Variants in MIP observed in about 807,000 individuals in gnomAD.
The protein encoded by MIP is major intrinsic protein of lens fiber, also known as lens fiber major intrinsic protein.
MIP carries 14 observed loss-of-function variants against 21.8 expected under a neutral mutation model. The ratio of observed to expected loss-of-function variants is 0.64; its 90% CI spans 0.42 to 1.00. MIP has a LOEUF of 1.00. Ranked by LOEUF, MIP falls within the 50% of genes least tolerant of loss-of-function variation. The pLI is 0.00. For missense variants in MIP, 260 were observed against 333.5 expected (o/e 0.78, Z 1.72); for synonymous variants, 133 against 141.4 (o/e 0.94, Z 0.42).
Position 56,452,874 on chromosome 12 carries a change from T to C in MIP, c.606+198A>G. 12 of 622,142 alleles carry C rather than the reference T, an allele frequency of 1.9e-5. No homozygotes were observed. In the South Asian group the frequency reaches 2.2e-4, roughly 11 times the overall value. 38.5% of individuals were successfully genotyped at this position (622,142 alleles called of 1,614,324 possible). ...CCCTGACTAACCAGAGAAGGAAAAA[T>C]ATGAGCAAGAGCCTCTCCTTCTAGC... On this transcript the variant is annotated intron_variant, in intron 3 of 3. Coordinates refer to ENST00000652304, the MANE Select transcript of MIP (RefSeq NM_012064.4).
chr12:56,453,478 A>G (rs941172261), intron 2 of MIP, 113 bp downstream of exon 2: 7 of 1,200,746 alleles, frequency 5.8e-6, no homozygotes, highest in Admixed American at 1.9e-5. Flanking sequence ...AGAGAGTGCA[A>G]TGGACAATGT....
Position 56,449,552 on chromosome 12 carries a change from A to G in MIP, c.*1728T>C, listed in dbSNP as rs944285404. 1 of 152,276 alleles carries G rather than the reference A, an allele frequency of 6.6e-6. No individual in the cohort carries two copies. The highest frequency in any genetic ancestry group is 2.4e-5 in the African/African-American group (1 of 41,470). The allele number at this position is 152,276 out of a possible 1,614,324, so 9.4% of individuals were successfully genotyped here. On this transcript the variant is annotated 3_prime_UTR_variant, in exon 4 of 4. Transcript: ENST00000652304. ...AGGTCGATCTAAAAATCACAGCGCTATGAATTTTCTGCTGAATTATAGTAG... is the reference window on the plus strand; with the variant it reads ...AGGTCGATCTAAAAATCACAGCGCTGTGAATTTTCTGCTGAATTATAGTAG...
At chr12:56,453,835 C>T in intron 1 of MIP, 80 bp from the exon 2 acceptor site, 2 of 1,416,476 alleles carry the variant, frequency 1.4e-6, no homozygotes, top group East Asian at 2.4e-5. Flanking sequence ...CGGCAAGGAT[C>T]TCGTTACGGC....
intron 1 of MIP, among the ~76,000 whole-genome samples, 170 bp from the exon 2 acceptor site, chr12:56,453,925 T>A (rs1868709909): frequency 6.6e-6 from 1 of 152,202 alleles, no homozygotes; most frequent in Admixed American, 6.5e-5. Flanking sequence ...CTAACAGTGC[T>A]CCTTCATGAT....
At chr12:56,456,055 G>C (rs1868782155), upstream of MIP, among the ~76,000 whole-genome samples, 1 of 152,176 alleles carries the variant, frequency 6.6e-6, no homozygotes, top group African/African-American at 2.4e-5. Context: ...AGGGTTTGGA[G>C]CTCTCAATTA....
At chr12:56,454,233 C>G (rs369461953) in intron 1 of MIP, 21 bp downstream of exon 1, 29 of 1,613,864 alleles carry the variant, frequency 1.8e-5, no homozygotes, top group African/African-American at 5.3e-5. Context: ...GGTTCCCCAT[C>G]CCCTCTCAGC....
chr12:56,455,617 G>C (rs190725141), upstream of MIP, among the ~76,000 whole-genome samples: 1 of 152,116 alleles, frequency 6.6e-6, no homozygotes. Flanking sequence ...GGAAACAGCC[G>C]ATCAAAGAGA....
At chr12:56,453,482 A>G in intron 2 of MIP, 109 bp downstream of exon 2, 1 of 1,249,992 alleles carries the variant, frequency 8.0e-7, no homozygotes, top group Non-Finnish European at 1.2e-6. Context: ...AGTGCAATGG[A>G]CAATGTTCAT....
At chr12:56,453,194 A>T (rs1565694248) in intron 2 of MIP, 42 bp from the exon 3 acceptor site, 1 of 1,406,844 alleles carries the variant, frequency 7.1e-7, no homozygotes, top group Admixed American at 1.7e-5. Context: ...CCCCTACTGC[A>T]CCCCAGCTTC....
Position 56,451,142 on chromosome 12 carries a change from A to C in MIP, c.*138T>G. Reference sequence around the variant, plus strand: ...TCACACAGCAAAAGGAAAAAAAAAAAAAAAACAACCACATACATAAGTTAA... The same window carrying C: ...TCACACAGCAAAAGGAAAAAAAAAACAAAAACAACCACATACATAAGTTAA... On this transcript the variant is annotated 3_prime_UTR_variant, in exon 4 of 4. Coordinates refer to ENST00000652304, the MANE Select transcript of MIP (RefSeq NM_012064.4). The C allele has an allele frequency of 1.4e-6, 1 of 720,130 alleles. No individual in the cohort carries two copies. The highest frequency in any genetic ancestry group is 2.9e-5 in the Admixed American group (1 of 34,110). The allele number at this position is 720,130 out of a possible 1,614,324, so 44.6% of individuals were successfully genotyped here.
chr12:56,455,741 A>G (rs1315779174), upstream of MIP, among the ~76,000 whole-genome samples: 1 of 152,138 alleles, frequency 6.6e-6, no homozygotes, highest in Non-Finnish European at 1.5e-5. Context: ...GAGAAGGTAG[A>G]ATGGGACATA....
intron 1 of MIP, among the ~76,000 whole-genome samples, chr12:56,453,977 C>A (rs1187312069): frequency 6.6e-6 from 1 of 152,148 alleles, no homozygotes; most frequent in African/African-American, 2.4e-5. Context: ...GAAACTGAGG[C>A]CTTGAAAGGT....
intron 2 of MIP, 88 bp downstream of exon 2, chr12:56,453,503 G>A: frequency 1.4e-6 from 2 of 1,425,972 alleles, no homozygotes; most frequent in Non-Finnish European, 2.0e-6. Flanking sequence ...GTTTGACAGT[G>A]AAGTAGGCAG....
At chr12:56,453,014 CT>C (rs1161052150) in intron 3 of MIP, 57 bp downstream of exon 3, 1 of 1,171,718 alleles carries the variant, frequency 8.5e-7, no homozygotes, top group Non-Finnish European at 1.3e-6. Flanking sequence ...AGCCTGGAAC[CT>C]GCAGTCCACA....
At chr12:56,453,878 C>A in intron 1 of MIP, 123 bp from the exon 2 acceptor site, 1 of 955,768 alleles carries the variant, frequency 1.0e-6, no homozygotes, top group Non-Finnish European at 1.6e-6. Flanking sequence ...ATAATACAAC[C>A]CCCTTCATAA....
chr12:56,451,571 A>G, intron 3 of MIP, 106 bp from the exon 4 acceptor site: 1 of 893,768 alleles, frequency 1.1e-6, no homozygotes, highest in Non-Finnish European at 1.8e-6. Context: ...TACACTTGAT[A>G]TCTACAATAA....
rs1592264422 is a variant in MIP, at chr12:56,453,586, C to T, written c.525+5G>A. Reference sequence around the variant, plus strand: ...GAATGAGAAGTTGCTCTCCTTCCTGCTTACCCCAAAGAGGTGCCCCAGGGC... The same window carrying T: ...GAATGAGAAGTTGCTCTCCTTCCTGTTTACCCCAAAGAGGTGCCCCAGGGC... On this transcript the variant is annotated splice_donor_5th_base_variant and intron_variant, in intron 2 of 3. Coordinates refer to ENST00000652304, the MANE Select transcript of MIP (RefSeq NM_012064.4). 6.2e-7 allele frequency: 1 copy of T among 1,614,260 alleles called. No individual in the cohort carries two copies. Among genetic ancestry groups the T allele is most frequent in the South Asian group, 1.1e-5 (1 of 91,090 alleles).
chr12:56,449,938 G>A lies in MIP; in HGVS notation c.*1342C>T, dbSNP rs1407461484. The A allele has an allele frequency of 6.6e-6, 1 of 152,144 alleles. No homozygotes were observed. Among genetic ancestry groups the A allele is most frequent in the African/African-American group, 2.4e-5 (1 of 41,414 alleles). The allele number at this position is 152,144 out of a possible 1,614,324, so 9.4% of individuals were successfully genotyped here. ...CCCAGCTACTGGGGAGGCTGAAGCA[G>A]GAAGATCGCTTGAGCCCAGGATTTC... On this transcript the variant is annotated 3_prime_UTR_variant, in exon 4 of 4. Transcript: ENST00000652304.
chr12:56,452,307 C>T (rs758311939), intron 3 of MIP, among the ~76,000 whole-genome samples: 12 of 152,124 alleles, frequency 7.9e-5, no homozygotes, highest in Non-Finnish European at 1.8e-4. Flanking sequence ...CTGGCTTATT[C>T]ACTTAGCATA....
Sources: allele counts gnomAD v4.1 joint callset (sites outside exome capture counted in the v4.1 genomes callset), GRCh38; gene constraint gnomAD v4.1.1; transcripts MANE v1.5; gene names NCBI Gene and HGNC (gene_info 2026-07-23, HGNC 2026-07-21).